RARB: variants seen among roughly 807,000 people sequenced by gnomAD.
The protein encoded by RARB is retinoic acid receptor beta.
A neutral mutation model predicts 51.9 loss-of-function variants in RARB; 17 were observed. That is an observed-to-expected ratio of 0.33 (90% CI 0.22 to 0.49). The LOEUF (loss-of-function observed/expected upper bound fraction) is 0.49, where lower values mean the gene tolerates loss of function less well. Among genes scored for constraint, RARB ranks in the 20% least tolerant of loss-of-function variants. The pLI, the probability that RARB is intolerant of heterozygous loss-of-function variation, is 0.99. For missense variants in RARB, 369 were observed against 550.8 expected, an observed-to-expected ratio of 0.67 and a Z score of 3.30; for synonymous variants, 215 against 195.4, an observed-to-expected ratio of 1.10 and a Z score of -0.84.
chr3:24,949,708 CT>C (rs1695849359), intron 2 of RARB, among the ~76,000 whole-genome samples: 1 of 152,120 alleles, frequency 6.6e-6, no homozygotes, highest in Admixed American at 6.5e-5. Context: ...CTTAGCATTC[CT>C]GGGATTCCCC....
At chr3:25,347,377 C>A (rs1385909817) in intron 5 of RARB, among the ~76,000 whole-genome samples, 3 of 152,148 alleles carry the variant, frequency 2.0e-5, no homozygotes, top group African/African-American at 7.2e-5. Context: ...GCTGGCAGTC[C>A]TGAGCTATGG....
intron 5 of RARB, among the ~76,000 whole-genome samples, chr3:25,260,136 C>A (rs1203893013): frequency 6.6e-6 from 1 of 152,134 alleles, no homozygotes; most frequent in Non-Finnish European, 1.5e-5. Context: ...CTGAGATCAG[C>A]CTCTGATACC....
At chr3:25,332,045 C>A (rs1704913360) in intron 5 of RARB, among the ~76,000 whole-genome samples, 1 of 152,068 alleles carries the variant, frequency 6.6e-6, no homozygotes, top group South Asian at 2.1e-4. Context: ...AGCTTACCAA[C>A]CAAAAAAAGT....
intron 2 of RARB, among the ~76,000 whole-genome samples, chr3:24,877,110 T>G (rs1703061066): frequency 6.6e-6 from 1 of 152,064 alleles, no homozygotes; most frequent in Non-Finnish European, 1.5e-5. Flanking sequence ...TTATTTAGTT[T>G]AATGGTTAGA....
chr3:25,354,075 T>C (rs141466703), intron 5 of RARB, among the ~76,000 whole-genome samples: 4 of 149,568 alleles, frequency 2.7e-5, no homozygotes, highest in Admixed American at 1.3e-4. Flanking sequence ...GATACTTGAT[T>C]GAAAGATTCT....
chr3:25,174,506 T>C (rs928258506), exon 5 of RARB: 1 of 1,352,120 alleles, frequency 7.4e-7, no homozygotes, highest in Non-Finnish European at 9.8e-7. Flanking sequence ...CGGAGGACTT[T>C]CCCTGCCTCC....
At chr3:24,941,580 G>C (rs1047485980) in intron 2 of RARB, among the ~76,000 whole-genome samples, 2 of 152,058 alleles carry the variant, frequency 1.3e-5, no homozygotes, top group Non-Finnish European at 2.9e-5. Context: ...ACGTTGGCCA[G>C]GTTGGTCTCG....
At chr3:24,966,826 T>C (rs1202905342) in intron 2 of RARB, among the ~76,000 whole-genome samples, 1 of 152,186 alleles carries the variant, frequency 6.6e-6, no homozygotes, top group African/African-American at 2.4e-5. Context: ...AACTGTAATA[T>C]GTTAAAAATC....
At chr3:25,145,853 T>C (rs1412941642) in intron 4 of RARB, among the ~76,000 whole-genome samples, 1 of 151,798 alleles carries the variant, frequency 6.6e-6, no homozygotes, top group Non-Finnish European at 1.5e-5. Context: ...AAAAAAAATA[T>C]TAACCAGGCA....
chr3:24,985,725 A>G (rs1341419045), intron 2 of RARB, among the ~76,000 whole-genome samples: 3 of 152,164 alleles, frequency 2.0e-5, no homozygotes, highest in Non-Finnish European at 4.4e-5. Context: ...TTTATGAGCC[A>G]TGCCTTCTCC....
chr3:24,873,357 T>G (rs1203664532), intron 2 of RARB, among the ~76,000 whole-genome samples: 1 of 152,192 alleles, frequency 6.6e-6, no homozygotes, highest in Non-Finnish European at 1.5e-5. Flanking sequence ...TTTAGGAATT[T>G]CAGTTCTTCT....
intron 4 of RARB, among the ~76,000 whole-genome samples, chr3:25,171,565 G>C (rs1202676867): frequency 8.6e-6 from 1 of 115,786 alleles, no homozygotes; most frequent in Non-Finnish European, 1.6e-5. Flanking sequence ...CTGACAATCT[G>C]CAGCGTTTGA....
At chr3:25,072,042 C>T (rs1698776674) in intron 3 of RARB, among the ~76,000 whole-genome samples, 1 of 152,194 alleles carries the variant, frequency 6.6e-6, no homozygotes, top group South Asian at 2.1e-4. Context: ...TGTCTTTGCC[C>T]TGTGGCGGTT....
chr3:24,997,575 A>G (rs1008535145), intron 2 of RARB, among the ~76,000 whole-genome samples: 1 of 151,992 alleles, frequency 6.6e-6, no homozygotes, highest in African/African-American at 2.4e-5. Context: ...ATAAGGGTTG[A>G]GGTTTCACCA....
At chr3:24,995,887 A>T (rs999411217) in intron 2 of RARB, among the ~76,000 whole-genome samples, 1 of 151,986 alleles carries the variant, frequency 6.6e-6, no homozygotes, top group African/African-American at 2.4e-5. Flanking sequence ...GGATTTTTGC[A>T]TGTATGTTTA....
chr3:25,216,491 A>T (rs569688006), intron 5 of RARB, among the ~76,000 whole-genome samples: 1 of 152,186 alleles, frequency 6.6e-6, no homozygotes, highest in East Asian at 1.9e-4. Flanking sequence ...AGGAACAGAA[A>T]ACCAAACACT....
In RARB at chr3:24,991,930, G is replaced by A. The variant is rs376287638; in HGVS notation, c.-379-68195G>A. Among the ~76,000 whole-genome samples, 40 of 152,114 alleles carry A rather than the reference G, an allele frequency of 2.6e-4. No individual in the cohort carries two copies. In the South Asian group the frequency reaches 7.7e-3, roughly 29 times the overall value. On this transcript the variant is annotated intron_variant, in intron 2 of 11. Coordinates refer to the RARB transcript ENST00000383772. ...ACCTCTTCACCCAGGGTGAGCTCCAGTACCCTGTGCCAAACTGTGCAGAGG... is the reference window on the plus strand; with the variant it reads ...ACCTCTTCACCCAGGGTGAGCTCCAATACCCTGTGCCAAACTGTGCAGAGG...
At chr3:25,587,398 A>G (rs4681029) in intron 5 of RARB, among the ~76,000 whole-genome samples, 30,448 of 152,228 alleles carry the variant, frequency 0.2, 3,269 homozygotes, top group East Asian at 0.35. Context: ...TTAAAGACTT[A>G]GTATTTAAAC....
chr3:24,978,725 T>G lies in RARB; in HGVS notation c.-379-81400T>G, dbSNP rs543486425. Among the ~76,000 whole-genome samples, 152 of 152,188 alleles carry G rather than the reference T, an allele frequency of 1.0e-3. 1 individual carries two copies. The highest frequency in any genetic ancestry group is 3.5e-3 in the African/African-American group (144 of 41,546). On this transcript the variant is annotated intron_variant, in intron 2 of 11. Coordinates refer to the RARB transcript ENST00000383772. ...CAGCTCCTGGATTGATTTTTTTTTTTGAAGGGTTTTTGTGTCTCTATCTCC... is the reference window on the plus strand; with the variant it reads ...CAGCTCCTGGATTGATTTTTTTTTTGGAAGGGTTTTTGTGTCTCTATCTCC...
Sources: allele counts gnomAD v4.1 joint callset (sites outside exome capture counted in the v4.1 genomes callset), GRCh38; gene constraint gnomAD v4.1.1; transcripts MANE v1.5; gene names NCBI Gene and HGNC (gene_info 2026-07-23, HGNC 2026-07-21).